RBMS3: variants seen among roughly 807,000 people sequenced by gnomAD.
The protein encoded by RBMS3 is RNA-binding motif, single-stranded-interacting protein 3.
Under a neutral mutation model 66.8 loss-of-function variants are expected in RBMS3, and 27 were observed. The observed-to-expected ratio is 0.40, with a 90% CI of 0.30 to 0.56. The LOEUF (loss-of-function observed/expected upper bound fraction) is 0.56, where lower values mean the gene tolerates loss of function less well. Among genes scored for constraint, RBMS3 ranks in the 20% least tolerant of loss-of-function variants. The pLI is 0.40. For missense variants in RBMS3, 513 were observed against 549.5 expected, an observed-to-expected ratio of 0.93 and a Z score of 0.66; for synonymous variants, 188 against 183.0, an observed-to-expected ratio of 1.03 and a Z score of -0.22.
At chr3:29,379,376 G>T (rs2038651691) in intron 1 of RBMS3, among the ~76,000 whole-genome samples, 1 of 152,144 alleles carries the variant, frequency 6.6e-6, no homozygotes, top group African/African-American at 2.4e-5. Context: ...TTTTATTTTA[G>T]ATTAATAGAG....
At chr3:29,366,316 A>G (rs1337665304) in intron 1 of RBMS3, among the ~76,000 whole-genome samples, 1 of 152,220 alleles carries the variant, frequency 6.6e-6, no homozygotes, top group Non-Finnish European at 1.5e-5. Context: ...AGATTGATCA[A>G]TTTGAGAACT....
chr3:29,962,135 T>C (rs985231370), intron 12 of RBMS3, among the ~76,000 whole-genome samples: 2 of 149,438 alleles, frequency 1.3e-5, no homozygotes, highest in African/African-American at 4.9e-5. Flanking sequence ...TCCTTTTGCA[T>C]GACTTTTTTT....
intron 4 of RBMS3, among the ~76,000 whole-genome samples, chr3:29,729,617 G>A (rs890927629): frequency 1.6e-4 from 24 of 152,148 alleles, no homozygotes; most frequent in South Asian, 6.2e-4. Context: ...GTGTAAAAGC[G>A]TTCCTATTTC....
intron 2 of RBMS3, among the ~76,000 whole-genome samples, chr3:29,436,548 T>C (rs1387981093): frequency 6.6e-6 from 1 of 152,248 alleles, no homozygotes; most frequent in African/African-American, 2.4e-5. Context: ...CTTTTTCTTT[T>C]GTTGTTTAAA....
At chr3:29,696,219 C>A (rs1455506007) in intron 4 of RBMS3, among the ~76,000 whole-genome samples, 1 of 152,172 alleles carries the variant, frequency 6.6e-6, no homozygotes, top group Non-Finnish European at 1.5e-5. Flanking sequence ...TGTGACTTCA[C>A]GTGAGTTAGG....
chr3:29,691,506 G>T (rs2052007195), intron 4 of RBMS3, among the ~76,000 whole-genome samples: 1 of 152,076 alleles, frequency 6.6e-6, no homozygotes, highest in East Asian at 1.9e-4. Flanking sequence ...TCAATAAAGT[G>T]GTTCTTTGTA....
intron 10 of RBMS3, among the ~76,000 whole-genome samples, chr3:29,928,632 A>C (rs1322037934): frequency 6.6e-6 from 1 of 152,104 alleles, no homozygotes; most frequent in Non-Finnish European, 1.5e-5. Context: ...ACACCACAAC[A>C]CATGTATTTT....
chr3:29,667,677 C>T (rs1240184286), intron 4 of RBMS3, among the ~76,000 whole-genome samples: 1 of 152,120 alleles, frequency 6.6e-6, no homozygotes, highest in Non-Finnish European at 1.5e-5. Flanking sequence ...TCTGAAATGA[C>T]ATTCTGCTAG....
At chr3:29,545,477 A>T (rs919016955) in intron 3 of RBMS3, among the ~76,000 whole-genome samples, 1 of 152,198 alleles carries the variant, frequency 6.6e-6, no homozygotes, top group African/African-American at 2.4e-5. Context: ...TAAAAATCTC[A>T]TAGCCCTCTA....
intron 2 of RBMS3, among the ~76,000 whole-genome samples, chr3:29,461,827 C>T (rs2042377940): frequency 6.6e-6 from 1 of 151,598 alleles, no homozygotes; most frequent in African/African-American, 2.4e-5. Flanking sequence ...GATCTCGGCT[C>T]ACTGCAAGCT....
intron 6 of RBMS3, among the ~76,000 whole-genome samples, chr3:29,808,839 T>C (rs2057639480): frequency 6.6e-6 from 1 of 151,896 alleles, no homozygotes; most frequent in Admixed American, 6.6e-5. Flanking sequence ...TACCATGGCT[T>C]GAAAAGAATT....
At chr3:29,514,724 A>T (rs2044552385) in intron 3 of RBMS3, among the ~76,000 whole-genome samples, 3 of 142,410 alleles carry the variant, frequency 2.1e-5, no homozygotes, top group Admixed American at 1.4e-4. Flanking sequence ...TGTGTATATG[A>T]TAAGCATATA....
At chr3:29,448,802 A>G (rs1039044806) in intron 2 of RBMS3, among the ~76,000 whole-genome samples, 1 of 152,164 alleles carries the variant, frequency 6.6e-6, no homozygotes. Context: ...CCAATTCCCA[A>G]TGAGGTAACC....
intron 6 of RBMS3, among the ~76,000 whole-genome samples, chr3:29,847,547 TA>T (rs1243605126): frequency 6.6e-6 from 1 of 152,226 alleles, no homozygotes; most frequent in East Asian, 1.9e-4. Flanking sequence ...ATAACTCATT[TA>T]AAATTATTTT....
chr3:29,491,390 A>T (rs1464569171), intron 3 of RBMS3, among the ~76,000 whole-genome samples: 1 of 152,218 alleles, frequency 6.6e-6, no homozygotes, highest in Non-Finnish European at 1.5e-5. Flanking sequence ...AAGACTGTTT[A>T]TTGGAGAGGC....
At chr3:29,575,512 A>G (rs2047090410) in intron 3 of RBMS3, among the ~76,000 whole-genome samples, 1 of 151,864 alleles carries the variant, frequency 6.6e-6, no homozygotes. Flanking sequence ...GTGTTCTATA[A>G]CTTTCTTGTG....
intron 8 of RBMS3, among the ~76,000 whole-genome samples, chr3:29,887,036 T>C (rs2059888478): frequency 6.6e-6 from 1 of 151,808 alleles, no homozygotes; most frequent in South Asian, 2.1e-4. Flanking sequence ...AAATCAACAT[T>C]AAAAGTATTT....
intron 1 of RBMS3, among the ~76,000 whole-genome samples, chr3:29,398,438 T>C (rs995251873): frequency 6.6e-6 from 1 of 152,178 alleles, no homozygotes; most frequent in South Asian, 2.1e-4. Context: ...GACAAGTGTC[T>C]CCTCAACTGC....
intron 3 of RBMS3, among the ~76,000 whole-genome samples, chr3:29,496,243 A>G (rs2043748702): frequency 6.6e-6 from 1 of 151,212 alleles, no homozygotes; most frequent in Non-Finnish European, 1.5e-5. Flanking sequence ...AAAAAGTTAT[A>G]TTTTAAATTA....
Sources: allele counts gnomAD v4.1 joint callset (sites outside exome capture counted in the v4.1 genomes callset), GRCh38; gene constraint gnomAD v4.1.1; transcripts MANE v1.5; gene names NCBI Gene and HGNC (gene_info 2026-07-23, HGNC 2026-07-21).